SNX24: variants seen among roughly 807,000 people sequenced by gnomAD.
SNX24 encodes sorting nexin 24.
Under a neutral mutation model 28.7 loss-of-function variants are expected in SNX24, and 22 were observed. That is an observed-to-expected ratio of 0.77 (90% confidence interval 0.55 to 1.10). SNX24 has a LOEUF of 1.10. Ranked by LOEUF, SNX24 falls within the 50% of genes least tolerant of loss-of-function variation. The pLI, the probability that SNX24 is intolerant of heterozygous loss-of-function variation, is 0.00. For synonymous variants in SNX24, 69 were observed against 71.5 expected, an observed-to-expected ratio of 0.96 and a Z score of 0.18; for missense variants, 221 against 201.1, an observed-to-expected ratio of 1.10 and a Z score of -0.60.
intron 5 of SNX24, among the ~76,000 whole-genome samples, chr5:123,026,919 G>T (rs1025134831): frequency 6.6e-6 from 1 of 152,186 alleles, no homozygotes; most frequent in Non-Finnish European, 1.5e-5. Flanking sequence ...AGTAGGCTGG[G>T]TGCAGTGGCT....
At chr5:122,944,897 GT>G (rs1251434445) in intron 2 of SNX24, among the ~76,000 whole-genome samples, 1 of 151,974 alleles carries the variant, frequency 6.6e-6, no homozygotes, top group Non-Finnish European at 1.5e-5. Context: ...ACGTTGGTAG[GT>G]TTTTTTCAAG....
chr5:122,894,175 T>C (rs1370234067), intron 1 of SNX24, among the ~76,000 whole-genome samples: 1 of 152,208 alleles, frequency 6.6e-6, no homozygotes, highest in Non-Finnish European at 1.5e-5. Flanking sequence ...AGAACATTTA[T>C]TTGGTTTAAA....
chr5:122,881,683 T>C (rs1008015577), intron 1 of SNX24, among the ~76,000 whole-genome samples: 2 of 151,620 alleles, frequency 1.3e-5, no homozygotes, highest in African/African-American at 4.8e-5. Flanking sequence ...CATATGGTTA[T>C]TGTGAGGATT....
At chr5:122,900,008 A>G (rs142086683) in intron 1 of SNX24, among the ~76,000 whole-genome samples, 1 of 151,926 alleles carries the variant, frequency 6.6e-6, no homozygotes, top group Non-Finnish European at 1.5e-5. Flanking sequence ...GATGTGCAAT[A>G]TGGTGTGGGT....
intron 3 of SNX24, among the ~76,000 whole-genome samples, chr5:122,964,191 C>G (rs1321854193): frequency 7.2e-6 from 1 of 139,796 alleles, no homozygotes; most frequent in Non-Finnish European, 1.5e-5. Context: ...TGCAGTGAGC[C>G]GAGATCCTGC....
At chr5:122,991,587 G>A (rs761104191) in intron 3 of SNX24, among the ~76,000 whole-genome samples, 10 of 152,128 alleles carry the variant, frequency 6.6e-5, no homozygotes, top group Admixed American at 3.3e-4. Flanking sequence ...AGCCTCCCGA[G>A]TAGTTGGGAT....
chr5:122,955,139 A>AT (rs1760147962), intron 3 of SNX24, among the ~76,000 whole-genome samples: 1 of 150,826 alleles, frequency 6.6e-6, no homozygotes, highest in Non-Finnish European at 1.5e-5. Context: ...TCTTTCCTTG[A>AT]TTCCTTGCAT....
In SNX24 at chr5:122,866,014, G is replaced by A. The variant is rs80199559; in HGVS notation, c.60+20321G>A. On this transcript the variant is annotated intron_variant, in intron 1 of 6. Coordinates refer to ENST00000261369, the MANE Select transcript of SNX24 (RefSeq NM_014035.4). Reference sequence around the variant, plus strand: ...TACATCATATGCTACATGATAAGGGGTTAAGAGAGAAGAAAACAAAGATAT... The same window carrying A: ...TACATCATATGCTACATGATAAGGGATTAAGAGAGAAGAAAACAAAGATAT... Among the ~76,000 whole-genome samples, 374 of 152,286 alleles carry A rather than the reference G, an allele frequency of 2.5e-3. 2 individuals are homozygous for A. Among genetic ancestry groups the A allele is most frequent in the African/African-American group, 8.7e-3 (361 of 41,562 alleles).
At chr5:122,991,985 G>C (rs1761871248) in intron 3 of SNX24, among the ~76,000 whole-genome samples, 1 of 152,062 alleles carries the variant, frequency 6.6e-6, no homozygotes, top group Middle Eastern at 3.2e-3. Flanking sequence ...TATTGGGAAA[G>C]ATAAAATATT....
chr5:122,908,819 C>A (rs766376684), intron 1 of SNX24, among the ~76,000 whole-genome samples: 3 of 152,134 alleles, frequency 2.0e-5, no homozygotes, highest in African/African-American at 7.2e-5. Context: ...GGGTCCTCTG[C>A]TGAGTGAAAA....
intron 6 of SNX24, among the ~76,000 whole-genome samples, chr5:123,002,435 A>G (rs370131594): frequency 4.6e-5 from 7 of 152,276 alleles, no homozygotes; most frequent in African/African-American, 1.4e-4. Flanking sequence ...GATGGAAACC[A>G]TCCTGGCTAA....
chr5:122,940,646 A>C (rs1759400839), intron 2 of SNX24, among the ~76,000 whole-genome samples: 1 of 152,160 alleles, frequency 6.6e-6, no homozygotes, highest in South Asian at 2.1e-4. Context: ...ATCTAAGCTC[A>C]CTGCAACCTC....
At chr5:122,957,364 A>C (rs1760259775) in intron 3 of SNX24, among the ~76,000 whole-genome samples, 1 of 152,320 alleles carries the variant, frequency 6.6e-6, no homozygotes, top group East Asian at 1.9e-4. Context: ...TTATGCCATT[A>C]CATTGGTCTA....
chr5:123,002,051 T>A (rs775015738), intron 6 of SNX24, 47 bp downstream of exon 6: 3 of 1,463,436 alleles, frequency 2.0e-6, no homozygotes, highest in Non-Finnish European at 2.9e-6. Flanking sequence ...GATCTGACCC[T>A]GCACCACATA....
chr5:122,930,441 A>C (rs1410842241), intron 1 of SNX24, among the ~76,000 whole-genome samples: 1 of 152,220 alleles, frequency 6.6e-6, no homozygotes, highest in Non-Finnish European at 1.5e-5. Flanking sequence ...TCTGGCAATT[A>C]GCATGTCAGA....
chr5:122,923,350 AT>A (rs1333119609), intron 1 of SNX24, among the ~76,000 whole-genome samples: 1 of 151,898 alleles, frequency 6.6e-6, no homozygotes, highest in Non-Finnish European at 1.5e-5. Flanking sequence ...AAAAAAAAAA[AT>A]TAAAATTAAA....
At chr5:122,951,780 G>A (rs568891997) in intron 3 of SNX24, among the ~76,000 whole-genome samples, 5 of 152,210 alleles carry the variant, frequency 3.3e-5, no homozygotes, top group Admixed American at 6.5e-5. Context: ...GCAGCAGTCC[G>A]AACTCAGTCC....
chr5:122,863,196 T>C (rs1049720461), intron 1 of SNX24, among the ~76,000 whole-genome samples: 10 of 152,090 alleles, frequency 6.6e-5, no homozygotes, highest in African/African-American at 1.7e-4. Context: ...TAAAGAGTGC[T>C]GGGGGATCAT....
At chr5:122,987,590 C>T (rs1398425129) in intron 3 of SNX24, among the ~76,000 whole-genome samples, 3 of 152,060 alleles carry the variant, frequency 2.0e-5, no homozygotes, top group African/African-American at 7.2e-5. Context: ...TGAGCTGTCC[C>T]GAGTACAGCA....
Sources: gnomAD v4.1 joint callset for allele counts (sites outside exome capture counted in the v4.1 genomes callset) on GRCh38, gnomAD v4.1.1 for gene constraint, MANE v1.5 for transcripts, NCBI Gene and HGNC (gene_info 2026-07-23, HGNC 2026-07-21) for gene names.